Variants in MEGF6 observed in about 807,000 individuals in gnomAD.
MEGF6 encodes multiple EGF like domains 6.
Under a neutral mutation model 207.1 loss-of-function variants are expected in MEGF6, and 184 were observed. The ratio of observed to expected loss-of-function variants is 0.89; its 90% confidence interval spans 0.79 to 1.00. The LOEUF is 1.00. Among genes scored for constraint, MEGF6 ranks in the 50% least tolerant of loss-of-function variants. The probability of loss-of-function intolerance (pLI) is 0.00; values close to 1 mark genes in which losing one functional copy is unlikely to be tolerated. For missense variants in MEGF6, 2,282 were observed against 2,202.9 expected, an observed-to-expected ratio of 1.04 and a Z score of -0.72; for synonymous variants, 1,038 against 910.0, an observed-to-expected ratio of 1.14 and a Z score of -2.53.
chr1:3,544,672 C>T (rs1642646748), intron 4 of MEGF6, among the ~76,000 whole-genome samples: 1 of 152,232 alleles, frequency 6.6e-6, no homozygotes, highest in South Asian at 2.1e-4. Context: ...TCTCACTCTG[C>T]TCTGCCTGGT....
At chr1:3,513,198 TTTAC>T (rs1641415869) in intron 7 of MEGF6, among the ~76,000 whole-genome samples, 1 of 151,698 alleles carries the variant, frequency 6.6e-6, no homozygotes, top group South Asian at 2.1e-4. Context: ...TTTTTATTAT[TTTAC>T]TTGTTTATTT....
chr1:3,518,773 G>A (rs1436567687), intron 5 of MEGF6, among the ~76,000 whole-genome samples: 1 of 152,202 alleles, frequency 6.6e-6, no homozygotes, highest in Non-Finnish European at 1.5e-5. Flanking sequence ...GCCACGTGTG[G>A]TCAGTAGTCA....
chr1:3,605,547 T>C (rs56140438), intron 1 of MEGF6, among the ~76,000 whole-genome samples: 137,204 of 151,572 alleles, frequency 0.91, 62,719 homozygotes, highest in East Asian at 0.98. Flanking sequence ...ATCACACATA[T>C]TCTCATACAC....
rs770403131 is a variant in MEGF6, at chr1:3,494,517, T to C, written c.4001-18A>G. 6.3e-7 allele frequency: 1 copy of C among 1,581,404 alleles called. No individual in the cohort carries two copies. The highest frequency in any genetic ancestry group is 8.6e-7 in the Non-Finnish European group (1 of 1,167,870). On this transcript the variant is annotated intron_variant, in intron 31 of 36. Coordinates refer to ENST00000356575, the MANE Select transcript of MEGF6 (RefSeq NM_001409.4). The stretch of plus-strand genomic sequence containing the variant: ...GGGACAGGCTGGGGACAGGGCAGGG[T>C]GGGCAGTCCTTCGGCACCAGCCTTG...
intron 10 of MEGF6, 23 bp downstream of exon 10, chr1:3,510,760 T>C: frequency 1.3e-6 from 2 of 1,587,182 alleles, no homozygotes; most frequent in African/African-American, 1.3e-5. Context: ...ACCCCAGCTG[T>C]GCAGTGGCAG....
Position 3,509,237 on chromosome 1 carries a change from C to A in MEGF6, c.1366G>T (p.Glu456Ter). The change falls in exon 12 of 37, where the codon GAG (glutamate) becomes TAG (stop). Residue 456 changes from glutamate to a stop codon, truncating the protein, a stop_gained. Transcript: ENST00000356575. LOFTEE classifies it high-confidence loss of function. ...EDRRGCSPLE[E>*]PMVDLDGELP... The stretch of plus-strand genomic sequence containing the variant: ...TCGCCGTCCAGGTCCACCATCGGCT[C>A]CTCCAGGGCTGCCAGGGGCACAGAG... 6.7e-7 allele frequency: 1 copy of A among 1,503,080 alleles called. No individual in the cohort carries two copies. The highest frequency in any genetic ancestry group is 8.9e-7 in the Non-Finnish European group (1 of 1,123,430). 93.1% of individuals were successfully genotyped at this position (1,503,080 alleles called of 1,614,324 possible).
chr1:3,492,891 T>C, intron 34 of MEGF6, 124 bp from the exon 35 acceptor site: 5 of 1,381,704 alleles, frequency 3.6e-6, no homozygotes, highest in South Asian at 1.4e-5. Context: ...CCTGGGTGTG[T>C]GCGGGAGCTA....
Position 3,611,153 on chromosome 1 carries a change from G to C in MEGF6, c.116C>G (p.Pro39Arg). 1 of 1,527,398 alleles carries C rather than the reference G, an allele frequency of 6.5e-7. No homozygotes were observed. The highest frequency in any genetic ancestry group is 8.7e-7 in the Non-Finnish European group (1 of 1,146,432). 94.6% of individuals were successfully genotyped at this position (1,527,398 alleles called of 1,614,324 possible). ...TGCTACTCACATGCCGGGCTGCAGCGGGAGCAGGGGCCGCGGCGGAACGCT... is the reference window on the plus strand; with the variant it reads ...TGCTACTCACATGCCGGGCTGCAGCCGGAGCAGGGGCCGCGGCGGAACGCT... Reference protein sequence around the residue: ...GASVPPRPLLPLQPGMPHVCA... With the variant: ...GASVPPRPLLRLQPGMPHVCA... Residue 39 changes from proline to arginine, a missense_variant, in exon 1 of 37, where the codon CCG becomes CGG. By Grantham distance (103) the Pro-to-Arg change is moderately radical. Coordinates refer to ENST00000356575, the MANE Select transcript of MEGF6 (RefSeq NM_001409.4).
rs574855610 is a variant in MEGF6 at position 3,568,770 on chromosome 1, C to T, written c.481+11055G>A. Among the ~76,000 whole-genome samples the T allele has an allele frequency of 2.6e-5, 4 of 152,242 alleles. No individual in the cohort carries two copies. In the South Asian group the frequency reaches 8.3e-4, roughly 32 times the overall value. On this transcript the variant is annotated intron_variant, in intron 4 of 36. Coordinates refer to ENST00000356575, the MANE Select transcript of MEGF6 (RefSeq NM_001409.4). ...TGAGCACCGCAGGGGACACCTGTGT[C>T]CTCTGCACCTTACAGAAGCCCTGTG...
At position 3,560,932 on chromosome 1, in the gene MEGF6, C is replaced by T; in HGVS notation, c.481+18893G>A. 2.7e-6 allele frequency: 1 copy of T among 373,570 alleles called. No homozygotes were observed. The highest frequency in any genetic ancestry group is 5.4e-6 in the Non-Finnish European group (1 of 184,776). 23.1% of individuals were successfully genotyped at this position (373,570 alleles called of 1,614,324 possible). ...CCTCTACTACCCTCTGGCACACATC[C>T]ATCTAGTGCCCCAGGGGCTTCGGAG... On this transcript the variant is annotated intron_variant, in intron 4 of 36. Transcript: ENST00000356575. The surrounding 1 kb of genome is among the most constrained non-coding windows in gnomAD (Gnocchi z 4.0).
At chr1:3,537,366 G>T (rs1642364138) in intron 4 of MEGF6, among the ~76,000 whole-genome samples, 2 of 152,262 alleles carry the variant, frequency 1.3e-5, no homozygotes, top group Admixed American at 1.3e-4. Flanking sequence ...GACACTCAGA[G>T]AAGCTACCGG....
chr1:3,614,832 A>G (rs945585047), upstream of MEGF6, among the ~76,000 whole-genome samples: 1 of 152,266 alleles, frequency 6.6e-6, no homozygotes, highest in Non-Finnish European at 1.5e-5. Flanking sequence ...AGGCACCAGC[A>G]GCCAGCCCAG....
chr1:3,510,779 T>C lies in MEGF6; in HGVS notation c.1234+4A>G, dbSNP rs1291014770. On this transcript the variant is annotated splice_donor_region_variant and intron_variant, in intron 10 of 36. Transcript: ENST00000356575. ...CAGCTGTGCAGTGGCAGGGCAGTGC[T>C]CACCCTCACAGCCGCAGCCATCGGC... 1.9e-6 allele frequency: 3 copies of C among 1,599,764 alleles called. No homozygotes were observed. The highest frequency in any genetic ancestry group is 1.3e-5 in the African/African-American group (1 of 74,708).
intron 26 of MEGF6, chr1:3,497,703 C>T: frequency 2.1e-6 from 1 of 465,710 alleles, no homozygotes; most frequent in Non-Finnish European, 4.0e-6. Flanking sequence ...CGGGAGACAG[C>T]AGCCGGGGCT....
chr1:3,608,771 G>A (rs1314362438), intron 1 of MEGF6, among the ~76,000 whole-genome samples: 6 of 152,164 alleles, frequency 3.9e-5, no homozygotes, highest in African/African-American at 4.8e-5. Flanking sequence ...CCCAGACCCC[G>A]TTCCCAGATG....
intron 4 of MEGF6, among the ~76,000 whole-genome samples, chr1:3,549,352 C>A (rs1642814278): frequency 6.6e-6 from 1 of 152,240 alleles, no homozygotes; most frequent in Non-Finnish European, 1.5e-5. Flanking sequence ...CAGACTGATG[C>A]CCCATGGCCA....
chr1:3,602,742 T>A (rs767497884), intron 1 of MEGF6, 142 bp from the exon 2 acceptor site: 1 of 1,270,692 alleles, frequency 7.9e-7, no homozygotes, highest in African/African-American at 1.5e-5. Context: ...ACAGTGCCCA[T>A]GCCAGTGCCC....
At chr1:3,551,668 C>T (rs529439570) in intron 4 of MEGF6, among the ~76,000 whole-genome samples, 9 of 152,124 alleles carry the variant, frequency 5.9e-5, no homozygotes, top group African/African-American at 1.7e-4. Context: ...GACAGCACCC[C>T]GCCAACCCTC....
At position 3,611,161 on chromosome 1, in the gene MEGF6, G is replaced by C. The variant is rs771486458; in HGVS notation, c.108C>G (p.Pro36=). Residue 36 remains proline, a synonymous_variant, in exon 1 of 37, where the codon CCC becomes CCG. Transcript: ENST00000356575. ...VPVGASVPPR[P]LLPLQPGMPH... is the part of the protein sequence containing the mutation. ...ACATGCCGGGCTGCAGCGGGAGCAGGGGCCGCGGCGGAACGCTGGCGCCCA... is the reference window on the plus strand; with the variant it reads ...ACATGCCGGGCTGCAGCGGGAGCAGCGGCCGCGGCGGAACGCTGGCGCCCA... 9 of 1,533,434 alleles carry C rather than the reference G, an allele frequency of 5.9e-6. No homozygotes were observed. In the African/African-American group the frequency reaches 8.5e-5, roughly 14 times the overall value. 95.0% of individuals were successfully genotyped at this position (1,533,434 alleles called of 1,614,324 possible). A position where few individuals can be genotyped will look rare whatever the true frequency, so the allele number is the denominator to read the frequency against.
Sources: gnomAD v4.1 joint callset for allele counts (sites outside exome capture counted in the v4.1 genomes callset) on GRCh38, gnomAD v4.1.1 for gene constraint, Gnocchi (gnomAD v3.1) non-coding constraint, MANE v1.5 for transcripts, NCBI Gene and HGNC (gene_info 2026-07-23, HGNC 2026-07-21) for gene names.